The following SEPTIN9 variants were observed in gnomAD, a reference collection of about 807,000 sequenced individuals.
SEPTIN9 encodes septin 9.
Under a neutral mutation model 56.6 loss-of-function variants are expected in SEPTIN9, and 13 were observed. The observed-to-expected ratio is 0.23, with a 90% CI of 0.15 to 0.37. The LOEUF is 0.37. SEPTIN9 is among the 10% of genes least tolerant of loss of function. The probability of loss-of-function intolerance (pLI) is 1.00; values close to 1 mark genes in which losing one functional copy is unlikely to be tolerated. For synonymous variants in SEPTIN9, 332 were observed against 334.1 expected (o/e 0.99, Z 0.07); for missense variants, 650 against 823.1 (o/e 0.79, Z 2.57).
intron 7 of SEPTIN9, 129 bp from the exon 8 acceptor site, chr17:77,490,613 G>A: frequency 1.4e-6 from 1 of 735,024 alleles, no homozygotes; most frequent in South Asian, 1.6e-5. Flanking sequence ...CCGGGGCCCT[G>A]TCCTTGCCAG....
At chr17:77,341,651 T>C (rs993261127) in intron 2 of SEPTIN9, among the ~76,000 whole-genome samples, 1 of 151,822 alleles carries the variant, frequency 6.6e-6, no homozygotes, top group African/African-American at 2.4e-5. Flanking sequence ...GGCGGGTGCC[T>C]GTAGTCCCAG....
chr17:77,478,803 T>TTAA (rs1339425532), intron 3 of SEPTIN9, among the ~76,000 whole-genome samples: 8 of 102,690 alleles, frequency 7.8e-5, no homozygotes, highest in Admixed American at 2.1e-4. Context: ...AAACTCTGTC[T>TTAA]AAAAAAAAAA....
At chr17:77,420,946 C>A (rs973180031) in intron 3 of SEPTIN9, among the ~76,000 whole-genome samples, 1 of 152,230 alleles carries the variant, frequency 6.6e-6, no homozygotes, top group Non-Finnish European at 1.5e-5. Flanking sequence ...GAAATCAAGG[C>A]GCAGAGAGCT....
At chr17:77,496,480 C>G (rs1285167289) in intron 10 of SEPTIN9, 2 of 152,260 alleles carry the variant, frequency 1.3e-5, no homozygotes, top group African/African-American at 4.8e-5. Context: ...ATGCCGTTCA[C>G]TGCCCTCCTT....
chr17:77,325,569 C>A (rs1224630915), intron 2 of SEPTIN9, among the ~76,000 whole-genome samples: 1 of 152,168 alleles, frequency 6.6e-6, no homozygotes, highest in Non-Finnish European at 1.5e-5. Context: ...CCCGGGGCGT[C>A]CTGAGGCCTG....
intron 3 of SEPTIN9, among the ~76,000 whole-genome samples, chr17:77,471,625 C>G (rs918100732): frequency 3.3e-5 from 5 of 152,192 alleles, no homozygotes; most frequent in Non-Finnish European, 7.4e-5. Flanking sequence ...CTGCCCTCCC[C>G]AACCCCTGCT....
rs2037245302 is a variant in SEPTIN9, at chr17:77,433,936, G to A, written c.721+31233G>A. 6.6e-6 allele frequency among the ~76,000 whole-genome samples: 1 copy of A among 152,160 alleles called. No individual in the cohort carries two copies. The highest frequency in any genetic ancestry group is 1.5e-5 in the Non-Finnish European group (1 of 68,034). On this transcript the variant is annotated intron_variant, in intron 3 of 11. Transcript: ENST00000427177. This position sits in a 1 kb window ranked among gnomAD's most constrained non-coding sequence, Gnocchi z 6.4. ...GGGCAGAGAGGGGAGCTTGCTGTGG[G>A]GCCTCCCCCGATCGGGGGACTTCCC...
At position 77,437,922 on chromosome 17, in the gene SEPTIN9, T is replaced by G. The variant is rs1187227027; in HGVS notation, c.721+35219T>G. The stretch of plus-strand genomic sequence containing the variant: ...TGCTTGCGCTGGTGACTGTGGCTGG[T>G]TGTTGGTGCCTGGCCCTGCCCTGCA... On this transcript the variant is annotated intron_variant, in intron 3 of 11. Transcript: ENST00000427177. The surrounding 1 kb of genome is among the most constrained non-coding windows in gnomAD (Gnocchi z 5.3). Among the ~76,000 whole-genome samples the G allele has an allele frequency of 6.6e-6, 1 of 152,032 alleles. No individual in the cohort carries two copies. Among genetic ancestry groups the G allele is most frequent in the Non-Finnish European group, 1.5e-5 (1 of 67,972 alleles).
intron 2 of SEPTIN9, among the ~76,000 whole-genome samples, chr17:77,380,673 C>T (rs1401405846): frequency 1.3e-5 from 2 of 152,162 alleles, no homozygotes; most frequent in Non-Finnish European, 2.9e-5. Flanking sequence ...TTCCCATCCA[C>T]CCGCTTCCCC....
In SEPTIN9 at chr17:77,319,470, A is replaced by G. The variant is rs984021465; in HGVS notation, c.76+12273A>G. On this transcript the variant is annotated intron_variant, in intron 2 of 11. Coordinates refer to ENST00000427177, the MANE Select transcript of SEPTIN9 (RefSeq NM_001113491.2). This position sits in a 1 kb window ranked among gnomAD's most constrained non-coding sequence, Gnocchi z 5.3. ...CGTGTGTGGTAGGAATCTTCCAGGAAGTCCCCGTCCCGTTCGCCCTCTCTG... is the reference window on the plus strand; with the variant it reads ...CGTGTGTGGTAGGAATCTTCCAGGAGGTCCCCGTCCCGTTCGCCCTCTCTG... The G allele has an allele frequency of 4.8e-6, 4 of 834,210 alleles. No individual in the cohort carries two copies. Among genetic ancestry groups the G allele is most frequent in the Non-Finnish European group, 5.9e-6 (4 of 678,222 alleles). The allele number at this position is 834,210 out of a possible 1,614,324, so 51.7% of individuals were successfully genotyped here.
intron 2 of SEPTIN9, among the ~76,000 whole-genome samples, chr17:77,325,991 G>A (rs929421580): frequency 2.6e-5 from 4 of 152,164 alleles, no homozygotes; most frequent in Non-Finnish European, 4.4e-5. Flanking sequence ...GAAGTGGGGC[G>A]TGAGGGTGTC....
At chr17:77,382,702 C>CT (rs908882514) in intron 2 of SEPTIN9, among the ~76,000 whole-genome samples, 4 of 152,230 alleles carry the variant, frequency 2.6e-5, no homozygotes, top group African/African-American at 7.2e-5. Context: ...GGCTGCTTTG[C>CT]TTTTTTTTCT....
chr17:77,440,225 G>A (rs919876514), intron 3 of SEPTIN9, among the ~76,000 whole-genome samples: 1 of 151,994 alleles, frequency 6.6e-6, no homozygotes, highest in African/African-American at 2.4e-5. Context: ...CACAATCTTG[G>A]CTCACTGCAA....
intron 2 of SEPTIN9, among the ~76,000 whole-genome samples, chr17:77,392,686 C>A (rs988456919): frequency 2.0e-5 from 3 of 152,106 alleles, no homozygotes; most frequent in Non-Finnish European, 2.9e-5. Context: ...GGGGTGGTAC[C>A]CTGGTTCTTC....
intron 2 of SEPTIN9, among the ~76,000 whole-genome samples, chr17:77,342,345 T>A (rs1373148762): frequency 6.6e-6 from 1 of 152,158 alleles, no homozygotes; most frequent in Non-Finnish European, 1.5e-5. Flanking sequence ...GTCGGTAGGA[T>A]CCGTAAGGAA....
chr17:77,432,433 G>A (rs935617973), intron 3 of SEPTIN9, among the ~76,000 whole-genome samples: 5 of 152,190 alleles, frequency 3.3e-5, no homozygotes, highest in Non-Finnish European at 5.9e-5. Context: ...ATTCATGGCC[G>A]AGGCCCCGTC....
chr17:77,407,936 C>G (rs978015336), intron 3 of SEPTIN9, among the ~76,000 whole-genome samples: 2 of 152,216 alleles, frequency 1.3e-5, no homozygotes, highest in Non-Finnish European at 2.9e-5. Context: ...GCACCCAGTA[C>G]TGAGCCTGCA....
In SEPTIN9 at chr17:77,500,036, T is replaced by C. The variant is rs1014223534; in HGVS notation, c.*1378T>C. On this transcript the variant is annotated 3_prime_UTR_variant, in exon 12 of 12. Transcript: ENST00000427177. ...GACCAAAGTCCCTTCCTGCTTCCTGTTACCTGTCTTGCTCCTGGGGAGAAA... is the reference window on the plus strand; with the variant it reads ...GACCAAAGTCCCTTCCTGCTTCCTGCTACCTGTCTTGCTCCTGGGGAGAAA... The C allele has an allele frequency of 1.3e-5, 3 of 235,382 alleles. No individual in the cohort carries two copies. In the Admixed American group the frequency reaches 1.7e-4, roughly 13 times the overall value. 14.6% of individuals were successfully genotyped at this position (235,382 alleles called of 1,614,324 possible).
intron 8 of SEPTIN9, 105 bp downstream of exon 8, chr17:77,490,964 C>G: frequency 1.1e-6 from 1 of 906,718 alleles, no homozygotes; most frequent in East Asian, 2.7e-5. Flanking sequence ...TCAGGGAGAC[C>G]GAACCGCTGG....
Sources: gnomAD v4.1 joint callset for allele counts (sites outside exome capture counted in the v4.1 genomes callset) on GRCh38, gnomAD v4.1.1 for gene constraint, Gnocchi (gnomAD v3.1) non-coding constraint, MANE v1.5 for transcripts, NCBI Gene and HGNC (gene_info 2026-07-23, HGNC 2026-07-21) for gene names.